ERP27: variants seen among roughly 807,000 people sequenced by gnomAD.
ERP27 encodes the protein endoplasmic reticulum protein 27.
ERP27 carries 23 observed loss-of-function variants against 27.7 expected under a neutral mutation model. The ratio of observed to expected loss-of-function variants is 0.83; its 90% CI spans 0.60 to 1.18. The LOEUF (loss-of-function observed/expected upper bound fraction) is 1.18, where lower values mean the gene tolerates loss of function less well. Among genes scored for constraint, ERP27 ranks in the 50% most tolerant of loss-of-function variants. ERP27 has a pLI of 0.00. For synonymous variants in ERP27, 159 were observed against 118.3 expected, an observed-to-expected ratio of 1.34 and a Z score of -2.23; for missense variants, 363 against 327.9, an observed-to-expected ratio of 1.11 and a Z score of -0.83.
At chr12:14,935,820 C>T (rs919935707) in intron 2 of ERP27, among the ~76,000 whole-genome samples, 1 of 152,306 alleles carries the variant, frequency 6.6e-6, no homozygotes, top group South Asian at 2.1e-4. Context: ...CTCTGCCTCA[C>T]GGATACTTGT....
chr12:14,924,625 G>A (rs532058312), intron 3 of ERP27, among the ~76,000 whole-genome samples: 129 of 152,284 alleles, frequency 8.5e-4, no homozygotes, highest in Middle Eastern at 3.4e-3. Context: ...TTAAAAAAAT[G>A]TAGAAAGCAA....
intron 3 of ERP27, among the ~76,000 whole-genome samples, chr12:14,934,198 TTTA>T (rs1863739100): frequency 6.6e-6 from 1 of 152,218 alleles, no homozygotes. Flanking sequence ...CCATGAATTC[TTTA>T]GCTTGTCTAA....
chr12:14,921,656 G>A (rs1863506036), intron 3 of ERP27, among the ~76,000 whole-genome samples: 1 of 152,214 alleles, frequency 6.6e-6, no homozygotes, highest in Non-Finnish European at 1.5e-5. Flanking sequence ...ATATAACACA[G>A]TATAAACATT....
intron 3 of ERP27, among the ~76,000 whole-genome samples, chr12:14,922,243 C>T (rs1249554431): frequency 2.0e-5 from 3 of 152,176 alleles, no homozygotes; most frequent in Non-Finnish European, 4.4e-5. Flanking sequence ...ATAATTTACA[C>T]ATACCAGTAC....
intron 1 of ERP27, 47 bp from the exon 2 acceptor site, chr12:14,938,099 C>T: frequency 6.7e-7 from 1 of 1,499,580 alleles, no homozygotes; most frequent in Non-Finnish European, 9.3e-7. Context: ...CAAGAAGAAG[C>T]AGCTCTAAAT....
At chr12:14,922,335 A>G (rs754993973) in intron 3 of ERP27, among the ~76,000 whole-genome samples, 1 of 152,154 alleles carries the variant, frequency 6.6e-6, no homozygotes, top group Non-Finnish European at 1.5e-5. Flanking sequence ...ATTTTGGTGG[A>G]TATGGTTATG....
At chr12:14,914,816 G>A in intron 6 of ERP27, 34 bp from the exon 7 acceptor site, 2 of 1,554,558 alleles carry the variant, frequency 1.3e-6, no homozygotes, top group Non-Finnish European at 1.8e-6. Context: ...ATTTAGATTA[G>A]TAAACTGAGC....
At chr12:14,934,545 ACT>A (rs1863746576) in intron 3 of ERP27, among the ~76,000 whole-genome samples, 1 of 152,158 alleles carries the variant, frequency 6.6e-6, no homozygotes, top group East Asian at 1.9e-4. Context: ...ATACAGTCTA[ACT>A]CTTTTATTTT....
intron 5 of ERP27, among the ~76,000 whole-genome samples, chr12:14,916,140 A>G (rs1863407491): frequency 1.3e-5 from 2 of 152,202 alleles, no homozygotes; most frequent in Admixed American, 1.3e-4. Flanking sequence ...CAACTACGTA[A>G]TAAGCCTTCA....
chr12:14,929,793 G>A (rs1863671124), intron 3 of ERP27, among the ~76,000 whole-genome samples: 1 of 152,000 alleles, frequency 6.6e-6, no homozygotes, highest in South Asian at 2.1e-4. Context: ...TAACAACCCA[G>A]ATTTTTATAA....
In ERP27 at chr12:14,934,720, T is replaced by C. The variant is rs1341515202; in HGVS notation, c.333+136A>G. ...TTGGGAAGCTTGAATTGAGTCATCATCCTTGTCAACAATGTCCCTGAATTT... is the reference window on the plus strand; with the variant it reads ...TTGGGAAGCTTGAATTGAGTCATCACCCTTGTCAACAATGTCCCTGAATTT... On this transcript the variant is annotated intron_variant, in intron 3 of 6. Coordinates refer to ENST00000266397, the MANE Select transcript of ERP27 (RefSeq NM_152321.4). 4.6e-6 allele frequency: 5 copies of C among 1,098,030 alleles called. No individual in the cohort carries two copies. The South Asian group carries it at 6.4e-5, about 14-fold the overall frequency. 68.0% of individuals were successfully genotyped at this position (1,098,030 alleles called of 1,614,324 possible).
At chr12:14,931,935 A>G (rs910446455) in intron 3 of ERP27, among the ~76,000 whole-genome samples, 1 of 152,206 alleles carries the variant, frequency 6.6e-6, no homozygotes, top group African/African-American at 2.4e-5. Context: ...CTAACCTTCC[A>G]TATATTCCTC....
chr12:14,935,041 A>G, intron 2 of ERP27, 48 bp from the exon 3 acceptor site: 1 of 1,589,306 alleles, frequency 6.3e-7, no homozygotes, highest in Non-Finnish European at 8.6e-7. Context: ...TTCGAAGGGC[A>G]GAGACAAACG....
At chr12:14,936,366 G>A (rs146684483) in intron 2 of ERP27, among the ~76,000 whole-genome samples, 3 of 152,314 alleles carry the variant, frequency 2.0e-5, no homozygotes, top group Non-Finnish European at 2.9e-5. Flanking sequence ...GCAGGAGGCA[G>A]CAGAGAAGCC....
At chr12:14,916,492 G>A (rs1271992870) in intron 5 of ERP27, among the ~76,000 whole-genome samples, 1 of 152,146 alleles carries the variant, frequency 6.6e-6, no homozygotes, top group Non-Finnish European at 1.5e-5. Context: ...GTAAGTGCTT[G>A]ATAAATGTAG....
At chr12:14,915,728 T>G in intron 5 of ERP27, 42 bp from the exon 6 acceptor site, 4 of 1,573,866 alleles carry the variant, frequency 2.5e-6, no homozygotes, top group Non-Finnish European at 3.5e-6. Flanking sequence ...CTATCTGAGG[T>G]GACGTCCAGG....
rs555851241 is a variant in ERP27 at position 14,927,351 on chromosome 12, A to G, written c.334-6303T>C. Among the ~76,000 whole-genome samples the G allele has an allele frequency of 3.1e-3, 471 of 151,614 alleles. 3 individuals carry two copies. The highest frequency in any genetic ancestry group is 5.5e-3 in the Non-Finnish European group (374 of 67,826). ...TGTGTGCATGTGTGTGTGTGTGTAT[A>G]TATATATATATATCTAAAATCACTC... On this transcript the variant is annotated intron_variant, in intron 3 of 6. Coordinates refer to ENST00000266397, the MANE Select transcript of ERP27 (RefSeq NM_152321.4).
rs745856212 is a variant in ERP27, at chr12:14,934,886, G to A, written c.303C>T (p.Ile101=). Reference sequence around the variant, plus strand: ...GAAAGAGGCAGATGGTGTTCCCAGTGATGTTGTAGTGTGTCAGAACCTCAG... The same window carrying A: ...GAAAGAGGCAGATGGTGTTCCCAGTAATGTTGTAGTGTGTCAGAACCTCAG... ...TDSEVLTHYN[I]TGNTICLFRL... The change falls in exon 3 of 7, where the codon ATC becomes ATT. Residue 101 remains isoleucine, a synonymous_variant. Transcript: ENST00000266397. 6.2e-7 allele frequency: 1 copy of A among 1,614,082 alleles called. No homozygotes were observed. Among genetic ancestry groups the A allele is most frequent in the East Asian group, 2.2e-5 (1 of 44,886 alleles).
At chr12:14,915,083 T>G (rs1313260453) in intron 6 of ERP27, among the ~76,000 whole-genome samples, 2 of 152,160 alleles carry the variant, frequency 1.3e-5, no homozygotes, top group African/African-American at 4.8e-5. Flanking sequence ...CCCAAATAAT[T>G]TTTTTAACTT....
Sources: gnomAD v4.1 joint callset for allele counts (sites outside exome capture counted in the v4.1 genomes callset) on GRCh38, gnomAD v4.1.1 for gene constraint, MANE v1.5 for transcripts, NCBI Gene and HGNC (gene_info 2026-07-23, HGNC 2026-07-21) for gene names.